Variants in USP40 observed in about 807,000 individuals in gnomAD.
USP40 encodes the protein ubiquitin specific peptidase 40, also known as ubiquitin carboxyl-terminal hydrolase 40.
Under a neutral mutation model 166.2 loss-of-function variants are expected in USP40, and 143 were observed. The ratio of observed to expected loss-of-function variants is 0.86; its 90% CI spans 0.75 to 0.99. The LOEUF (loss-of-function observed/expected upper bound fraction) is 0.99. Ranked by LOEUF, USP40 falls within the 50% of genes least tolerant of loss-of-function variation. The pLI, the probability that USP40 is intolerant of heterozygous loss-of-function variation, is 0.00. For synonymous variants in USP40, 498 were observed against 524.0 expected, an observed-to-expected ratio of 0.95 and a Z score of 0.68; for missense variants, 1,444 against 1,479.7, an observed-to-expected ratio of 0.98 and a Z score of 0.40.
chr2:233,475,757 C>T lies in USP40; in HGVS notation c.*1635G>A, dbSNP rs987810080. On this transcript the variant is annotated 3_prime_UTR_variant, in exon 32 of 32. Coordinates refer to ENST00000678225, the MANE Select transcript of USP40 (RefSeq NM_001365479.2). ...CTGGCCTCTCGAAGGCAAAGCTTTT[C>T]AGCGATTTCATTAATATTTCATTAC... 1.3e-5 allele frequency: 2 copies of T among 152,386 alleles called. No homozygotes were observed. The highest frequency in any genetic ancestry group is 4.8e-5 in the African/African-American group (2 of 41,466). The allele number at this position is 152,386 out of a possible 1,614,324, so 9.4% of individuals were successfully genotyped here.
intron 14 of USP40, 116 bp from the exon 15 acceptor site, chr2:233,524,678 A>G (rs2067893636): frequency 2.9e-6 from 2 of 699,998 alleles, no homozygotes; most frequent in African/African-American, 3.8e-5. Context: ...GAAAATTTAA[A>G]AAGTAGTAAT....
Position 233,549,101 on chromosome 2 carries a change from T to A in USP40, c.966A>T (p.Gln322His), listed in dbSNP as rs1304435280. The A allele has an allele frequency of 6.3e-7, 1 of 1,593,598 alleles. No homozygotes were observed. Among genetic ancestry groups the A allele is most frequent in the Admixed American group, 1.8e-5 (1 of 55,680 alleles). ...TTTCTAAACGAATTTCTATACGTAC[T>A]TGAAACTGCCAGTTTCCCAAATGAT... ...DVDHLGNWQFQEEKSKPDVNL... is the reference protein window; with the variant it reads ...DVDHLGNWQFHEEKSKPDVNL... The change falls in exon 8 of 32, where the codon CAA becomes CAT. Residue 322 changes from glutamine (Q) to histidine (H), a missense_variant and splice_region_variant. Gln to His is a conservative substitution (Grantham distance 24, BLOSUM62 0). Transcript: ENST00000678225.
At chr2:233,499,385 A>G (rs370520616) in intron 22 of USP40, among the ~76,000 whole-genome samples, 2 of 152,192 alleles carry the variant, frequency 1.3e-5, no homozygotes, top group African/African-American at 4.8e-5. Context: ...TATATGTACC[A>G]TATTTTCTTT....
At chr2:233,494,919 TATATATATATATATATATATATA>T (rs2065587923) in intron 24 of USP40, among the ~76,000 whole-genome samples, 5 of 80,280 alleles carry the variant, frequency 6.2e-5, no homozygotes, top group Non-Finnish European at 1.0e-4. Context: ...AAATGGCATA[TATATATATATATATATATATATA>T]TATATATATA....
chr2:233,537,333 T>C (rs2069012107), intron 10 of USP40, among the ~76,000 whole-genome samples: 1 of 152,018 alleles, frequency 6.6e-6, no homozygotes, highest in Admixed American at 6.6e-5. Flanking sequence ...CAATCCCCCA[T>C]AGATATGGAA....
chr2:233,504,141 A>C (rs1354174410), intron 21 of USP40, among the ~76,000 whole-genome samples: 1 of 152,048 alleles, frequency 6.6e-6, no homozygotes, highest in Admixed American at 6.5e-5. Context: ...ACCACAAAGA[A>C]AGACATGACA....
At chr2:233,487,585 C>T (rs1271415001) in intron 28 of USP40, 10 of 161,140 alleles carry the variant, frequency 6.2e-5, no homozygotes, top group Non-Finnish European at 1.4e-4. Flanking sequence ...AAGAAGGATA[C>T]TCATATCATA....
intron 24 of USP40, among the ~76,000 whole-genome samples, chr2:233,495,930 G>T (rs1012007581): frequency 6.6e-6 from 1 of 152,204 alleles, no homozygotes; most frequent in Non-Finnish European, 1.5e-5. Context: ...TACAGTAAGT[G>T]AATAAAAGCA....
intron 6 of USP40, among the ~76,000 whole-genome samples, chr2:233,551,720 T>C (rs1384186516): frequency 1.3e-5 from 2 of 152,192 alleles, no homozygotes; most frequent in Non-Finnish European, 2.9e-5. Flanking sequence ...CATTTGTGCT[T>C]ACAATTAATA....
At chr2:233,563,624 C>T (rs2071860080) in intron 2 of USP40, among the ~76,000 whole-genome samples, 1 of 152,190 alleles carries the variant, frequency 6.6e-6, no homozygotes, top group Non-Finnish European at 1.5e-5. Context: ...TCCCAGTACT[C>T]TCAGCTACAT....
At position 233,488,219 on chromosome 2, in the gene USP40, T is replaced by G. The variant is rs1394534008; in HGVS notation, c.3197+20A>C. The G allele has an allele frequency of 6.3e-7, 1 of 1,592,682 alleles. No individual in the cohort carries two copies. The highest frequency in any genetic ancestry group is 1.7e-5 in the Admixed American group (1 of 57,622). On this transcript the variant is annotated intron_variant, in intron 28 of 31. Transcript: ENST00000678225. ...TAAGATACGTGTGTGTCACTTCAGATGCACAGGAGAATTTCTTACCCCAAG... is the reference window on the plus strand; with the variant it reads ...TAAGATACGTGTGTGTCACTTCAGAGGCACAGGAGAATTTCTTACCCCAAG...
At chr2:233,534,056 A>T (rs2068760385) in intron 10 of USP40, among the ~76,000 whole-genome samples, 1 of 152,210 alleles carries the variant, frequency 6.6e-6, no homozygotes, top group South Asian at 2.1e-4. Flanking sequence ...CTGTTTAAAA[A>T]AGTATTTAAC....
intron 6 of USP40, among the ~76,000 whole-genome samples, chr2:233,554,143 C>T (rs757222528): frequency 2.6e-5 from 4 of 152,084 alleles, no homozygotes; most frequent in Non-Finnish European, 5.9e-5. Context: ...GGGATACTTA[C>T]GAAACACTGA....
rs1350048249 is a variant in USP40 at position 233,476,562 on chromosome 2, G to A, written c.*830C>T. Reference sequence around the variant, plus strand: ...GCTGCCCAGGACACCTGGAACCTGGGCTATGCCAGGCCTGTCTGCCACAGC... The same window carrying A: ...GCTGCCCAGGACACCTGGAACCTGGACTATGCCAGGCCTGTCTGCCACAGC... On this transcript the variant is annotated 3_prime_UTR_variant, in exon 32 of 32. Transcript: ENST00000678225. The A allele has an allele frequency of 6.6e-6, 1 of 152,462 alleles. No homozygotes were observed. Among genetic ancestry groups the A allele is most frequent in the East Asian group, 1.9e-4 (1 of 5,302 alleles). The allele number at this position is 152,462 out of a possible 1,614,324, so 9.4% of individuals were successfully genotyped here.
At chr2:233,477,560 G>A in intron 31 of USP40, 57 bp from the exon 32 acceptor site, 3 of 1,494,408 alleles carry the variant, frequency 2.0e-6, no homozygotes, top group Non-Finnish European at 9.2e-7. Context: ...TCAGGGTGAG[G>A]GGTTCACGAA....
chr2:233,482,185 T>G (rs978112409), intron 30 of USP40, among the ~76,000 whole-genome samples: 1 of 152,202 alleles, frequency 6.6e-6, no homozygotes, highest in African/African-American at 2.4e-5. Context: ...AAGCCAATAT[T>G]ATAATTTCTG....
At chr2:233,505,540 T>C (rs2125129572) in intron 21 of USP40, among the ~76,000 whole-genome samples, 1 of 152,282 alleles carries the variant, frequency 6.6e-6, no homozygotes. Flanking sequence ...AAGAGACTAT[T>C]ATGAACAACT....
chr2:233,481,096 C>T, intron 31 of USP40, 107 bp downstream of exon 31: 2 of 1,093,566 alleles, frequency 1.8e-6, no homozygotes, highest in Non-Finnish European at 1.3e-6. Context: ...TTTGTGTGCA[C>T]TCTGAATCAA....
chr2:233,561,254 C>T (rs764639174), intron 3 of USP40: 57 of 1,504,214 alleles, frequency 3.8e-5, no homozygotes, highest in African/African-American at 2.9e-4. Flanking sequence ...GAGCCCGCAT[C>T]GCCAAGTCAA....
Sources: gnomAD v4.1 joint callset for allele counts (sites outside exome capture counted in the v4.1 genomes callset) on GRCh38, gnomAD v4.1.1 for gene constraint, MANE v1.5 for transcripts, NCBI Gene and HGNC (gene_info 2026-07-23, HGNC 2026-07-21) for gene names.